BTBD7: variants seen among roughly 807,000 people sequenced by gnomAD.
BTBD7 encodes BTB domain containing 7, also known as BTB/POZ domain-containing protein 7.
BTBD7 carries 38 observed loss-of-function variants against 99.9 expected under a neutral mutation model. The observed-to-expected ratio is 0.38, with a 90% CI of 0.29 to 0.50. The LOEUF (loss-of-function observed/expected upper bound fraction) is 0.50. Among genes scored for constraint, BTBD7 ranks in the 20% least tolerant of loss-of-function variants. BTBD7 has a pLI of 0.93. For missense variants in BTBD7, 1,170 were observed against 1,394.6 expected (o/e 0.84, Z 2.57); for synonymous variants, 520 against 511.4 (o/e 1.02, Z -0.23).
chr14:93,317,364 T>C (rs1015762520), intron 1 of BTBD7, among the ~76,000 whole-genome samples: 1 of 57,348 alleles, frequency 1.7e-5, no homozygotes, highest in Admixed American at 1.6e-4. Context: ...ATGTTGATAC[T>C]TTTTTTTTTT....
In BTBD7 at chr14:93,291,009, T is replaced by C. The variant is rs1432868939; in HGVS notation, c.1162+2849A>G. Among the ~76,000 whole-genome samples, 4 of 146,504 alleles carry C rather than the reference T, an allele frequency of 2.7e-5. No individual in the cohort carries two copies. The East Asian group carries it at 8.0e-4, about 29-fold the overall frequency. ...CTAGTTTTTTTTTTTTTTTTTTTTT[T>C]TTTGGTAGAGACGAGGTCTCACTAT... is the stretch of plus-strand genomic sequence containing the variant. On this transcript the variant is annotated intron_variant, in intron 3 of 10. Transcript: ENST00000334746.
intron 1 of BTBD7, among the ~76,000 whole-genome samples, chr14:93,316,259 T>TTTTC (rs1209194613): frequency 6.6e-6 from 1 of 151,310 alleles, no homozygotes; most frequent in African/African-American, 2.4e-5. Flanking sequence ...CCAGTCTTTT[T>TTTTC]TTTTTTAATT....
chr14:93,308,100 C>T (rs2053091859), intron 1 of BTBD7, among the ~76,000 whole-genome samples: 2 of 151,974 alleles, frequency 1.3e-5, no homozygotes, highest in African/African-American at 4.8e-5. Context: ...CGAGACCATC[C>T]TGGCTAACAC....
chr14:93,270,695 C>CA (rs34308418), intron 3 of BTBD7, among the ~76,000 whole-genome samples: 5,492 of 70,800 alleles, frequency 0.078, 136 homozygotes, highest in East Asian at 0.16. Context: ...ACTCTTGTCT[C>CA]AAAAAAAAAA....
intron 8 of BTBD7, 150 bp downstream of exon 8, chr14:93,251,313 T>A: frequency 1.2e-6 from 1 of 865,166 alleles, no homozygotes; most frequent in African/African-American, 1.7e-5. Context: ...AAGTTTTGGC[T>A]TAAAAGTGTT....
chr14:93,246,827 A>G (rs1170445701), intron 9 of BTBD7, among the ~76,000 whole-genome samples: 2 of 152,274 alleles, frequency 1.3e-5, no homozygotes, highest in African/African-American at 2.4e-5. Context: ...TAGAATGGCA[A>G]AGGGAAAAGA....
intron 1 of BTBD7, among the ~76,000 whole-genome samples, chr14:93,318,064 C>G (rs529378831): frequency 6.6e-6 from 1 of 152,166 alleles, no homozygotes; most frequent in South Asian, 2.1e-4. Context: ...GCTGTAGTAA[C>G]TCTTAGCTGA....
At chr14:93,319,575 C>A (rs2053246657) in intron 1 of BTBD7, among the ~76,000 whole-genome samples, 1 of 151,992 alleles carries the variant, frequency 6.6e-6, no homozygotes, top group Admixed American at 6.6e-5. Flanking sequence ...CTGGTCATTA[C>A]CCAGAATGAT....
At chr14:93,321,255 T>C (rs2053265816) in intron 1 of BTBD7, among the ~76,000 whole-genome samples, 1 of 152,186 alleles carries the variant, frequency 6.6e-6, no homozygotes. Context: ...GCTAAGCACA[T>C]GGGGATATAA....
chr14:93,282,431 C>T (rs1020457582), intron 3 of BTBD7, among the ~76,000 whole-genome samples: 5 of 151,070 alleles, frequency 3.3e-5, no homozygotes, highest in African/African-American at 1.2e-4. Context: ...CTCCTGGGTT[C>T]AAGCGATTCT....
Position 93,311,097 on chromosome 14 carries a change from T to C in BTBD7, c.-106-14940A>G, listed in dbSNP as rs1595336231. Among the ~76,000 whole-genome samples, 4 of 152,324 alleles carry C rather than the reference T, an allele frequency of 2.6e-5. No individual in the cohort carries two copies. In the South Asian group the frequency reaches 8.3e-4, roughly 32 times the overall value. ...ATTTTCAAAACAATTAGTAATAGCT[T>C]CCTAGCATCCTTAAAGACAATCAGT... On this transcript the variant is annotated intron_variant, in intron 1 of 10. Transcript: ENST00000334746.
intron 3 of BTBD7, among the ~76,000 whole-genome samples, chr14:93,290,576 G>T (rs2052838989): frequency 6.7e-6 from 1 of 148,420 alleles, no homozygotes; most frequent in African/African-American, 2.5e-5. Context: ...GGAGTGGAGT[G>T]GTGCAATCTT....
chr14:93,251,010 C>T (rs1195324791), intron 8 of BTBD7, among the ~76,000 whole-genome samples: 1 of 152,206 alleles, frequency 6.6e-6, no homozygotes, highest in Non-Finnish European at 1.5e-5. Flanking sequence ...TTCCTCTAAA[C>T]CAGTGGTTCT....
chr14:93,280,528 C>T (rs2052706372), intron 3 of BTBD7, among the ~76,000 whole-genome samples: 1 of 152,196 alleles, frequency 6.6e-6, no homozygotes, highest in African/African-American at 2.4e-5. Flanking sequence ...CCTTAAATTT[C>T]ATGACATGTA....
chr14:93,288,304 A>G (rs771684167), intron 3 of BTBD7: 12 of 584,558 alleles, frequency 2.1e-5, no homozygotes, highest in African/African-American at 3.7e-5. Context: ...CCCTGGATGA[A>G]TACTCTAGTT....
At chr14:93,257,788 G>A (rs1349593399) in intron 5 of BTBD7, among the ~76,000 whole-genome samples, 2 of 152,222 alleles carry the variant, frequency 1.3e-5, no homozygotes, top group Non-Finnish European at 2.9e-5. Flanking sequence ...CTACATATGT[G>A]TAACAGTAAT....
At chr14:93,300,042 T>C (rs764942212) in intron 1 of BTBD7, among the ~76,000 whole-genome samples, 6 of 152,122 alleles carry the variant, frequency 3.9e-5, no homozygotes, top group Admixed American at 3.9e-4. Context: ...CTTCATGCAA[T>C]AGAAAGAACT....
chr14:93,323,880 T>C (rs184696507), intron 1 of BTBD7, among the ~76,000 whole-genome samples: 66 of 152,364 alleles, frequency 4.3e-4, no homozygotes, highest in Non-Finnish European at 6.9e-4. Flanking sequence ...CATGTTACTA[T>C]TTCATCTTAA....
chr14:93,253,801 A>T lies in BTBD7; in HGVS notation c.1609-11T>A, dbSNP rs761416315. On this transcript the variant is annotated splice_polypyrimidine_tract_variant and intron_variant, in intron 6 of 10. Transcript: ENST00000334746. ...CAAGCCTCTTTTCATCTAAAAAAAA[A>T]TTTTTTTTTTAGATAGAAATCTGTG... 1.5e-4 allele frequency: 214 copies of T among 1,415,772 alleles called. No individual in the cohort carries two copies. The highest frequency in any genetic ancestry group is 3.6e-4 in the Admixed American group (18 of 50,196). 87.7% of individuals were successfully genotyped at this position (1,415,772 alleles called of 1,614,324 possible). A position where few individuals can be genotyped will look rare whatever the true frequency, so the allele number is the denominator to read the frequency against.
Sources: gnomAD v4.1 joint callset for allele counts (sites outside exome capture counted in the v4.1 genomes callset) on GRCh38, gnomAD v4.1.1 for gene constraint, MANE v1.5 for transcripts, NCBI Gene and HGNC (gene_info 2026-07-23, HGNC 2026-07-21) for gene names.